The following LGR6 variants were observed in gnomAD, a reference collection of about 807,000 sequenced individuals.
LGR6 encodes the protein leucine-rich repeat-containing G protein-coupled receptor 6.
A neutral mutation model predicts 69.4 loss-of-function variants in LGR6; 45 were observed. That is an observed-to-expected ratio of 0.65 (90% CI 0.51 to 0.83). LGR6 has a LOEUF of 0.83. Ranked by LOEUF, LGR6 falls within the 40% of genes least tolerant of loss-of-function variation. LGR6 has a pLI of 0.00. For synonymous variants in LGR6, 538 were observed against 555.0 expected, an observed-to-expected ratio of 0.97 and a Z score of 0.43; for missense variants, 1,108 against 1,246.7, an observed-to-expected ratio of 0.89 and a Z score of 1.68.
Position 202,317,227 on chromosome 1 carries a change from A to C in LGR6, c.1649-725A>C, listed in dbSNP as rs1654211969. ...AGCTCCCAATTCTGATACCCTCTCC[A>C]CTCCTTGATGGCAGCCTGTCCTTCC... On this transcript the variant is annotated intron_variant, in intron 17 of 17. Transcript: ENST00000367278. Among the ~76,000 whole-genome samples, 3 of 150,604 alleles carry C rather than the reference A, an allele frequency of 2.0e-5. No homozygotes were observed. The South Asian group carries it at 6.3e-4, about 32-fold the overall frequency.
At chr1:202,219,223 C>T (rs1406040658) in intron 1 of LGR6, among the ~76,000 whole-genome samples, 1 of 152,220 alleles carries the variant, frequency 6.6e-6, no homozygotes. Context: ...AGAACCCCAC[C>T]TTTGGACTCT....
intron 6 of LGR6, among the ~76,000 whole-genome samples, chr1:202,282,231 T>TGTCA (rs1239608660): frequency 6.6e-6 from 1 of 152,182 alleles, no homozygotes; most frequent in African/African-American, 2.4e-5. Context: ...CCTCTCTAGC[T>TGTCA]GTCATAGACA....
Position 202,263,431 on chromosome 1 carries a change from A to C in LGR6, c.429-12875A>C, listed in dbSNP as rs920446658. Among the ~76,000 whole-genome samples the C allele has an allele frequency of 2.6e-5, 4 of 152,230 alleles. No individual in the cohort carries two copies. The East Asian group carries it at 7.7e-4, about 29-fold the overall frequency. On this transcript the variant is annotated intron_variant, in intron 4 of 17. Transcript: ENST00000367278. ...GAGCCACCGCGCCCGGCCAGCATACATCTTTTTGTTTGTTTGTTTTTTCTC... is the reference window on the plus strand; with the variant it reads ...GAGCCACCGCGCCCGGCCAGCATACCTCTTTTTGTTTGTTTGTTTTTTCTC...
intron 4 of LGR6, among the ~76,000 whole-genome samples, chr1:202,244,970 C>A (rs1662526079): frequency 6.6e-6 from 1 of 152,158 alleles, no homozygotes; most frequent in South Asian, 2.1e-4. Flanking sequence ...GGCAACAAGG[C>A]CAGAGGTCTG....
intron 7 of LGR6, among the ~76,000 whole-genome samples, chr1:202,299,695 G>A (rs1206777369): frequency 6.6e-6 from 1 of 152,170 alleles, no homozygotes; most frequent in African/African-American, 2.4e-5. Context: ...GGTGGCACTG[G>A]CTGGAGGTGT....
In LGR6 at chr1:202,317,964, C is replaced by T; in HGVS notation, c.1661C>T (p.Pro554Leu). The T allele has an allele frequency of 6.2e-7, 1 of 1,610,620 alleles. No homozygotes were observed. Among genetic ancestry groups the T allele is most frequent in the Admixed American group, 1.7e-5 (1 of 59,842 alleles). ...ATCTCTCCTACAGGCCCCTTCAAGCCCTGTGAGTACCTCTTTGAAAGCTGG... is the reference window on the plus strand; with the variant it reads ...ATCTCTCCTACAGGCCCCTTCAAGCTCTGTGAGTACCTCTTTGAAAGCTGG... Reference protein sequence around the residue: ...QCSPTPGPFKPCEYLFESWGI... With the variant: ...QCSPTPGPFKLCEYLFESWGI... The change falls in exon 18 of 18, where the codon CCC becomes CTC. Residue 554 changes from proline to leucine, a missense_variant. Transcript: ENST00000367278.
intron 4 of LGR6, among the ~76,000 whole-genome samples, chr1:202,256,985 G>A (rs922398227): frequency 1.3e-5 from 2 of 152,038 alleles, no homozygotes; most frequent in Non-Finnish European, 2.9e-5. Context: ...ATCTTTTTGT[G>A]TACTTATTGG....
Position 202,235,989 on chromosome 1 carries a change from T to G in LGR6, c.424T>G (p.Ser142Ala). 1 of 1,613,690 alleles carries G rather than the reference T, an allele frequency of 6.2e-7. No homozygotes were observed. Residue 142 changes from serine to alanine, a missense_variant, in exon 4 of 18, where the codon TCG (serine) becomes GCG (alanine). Ser to Ala is a moderately conservative substitution (Grantham distance 99, BLOSUM62 1). Transcript: ENST00000367278. ...GCTGTGGGAGCTGCCGAGCCTGCAG[T>G]CGCTGTGAGTCATTAGAGGGCTGGT... is the stretch of plus-strand genomic sequence containing the variant. ...EALWELPSLQ[S>A]LRLDANLISL...
chr1:202,212,875 CACAG>C (rs1659516553), intron 1 of LGR6, among the ~76,000 whole-genome samples: 1 of 152,168 alleles, frequency 6.6e-6, no homozygotes, highest in Admixed American at 6.5e-5. Context: ...CCCCCCTTTG[CACAG>C]CTCTGAGGCA....
chr1:202,235,700 C>G (rs1661484848), intron 3 of LGR6, among the ~76,000 whole-genome samples: 1 of 152,110 alleles, frequency 6.6e-6, no homozygotes, highest in Non-Finnish European at 1.5e-5. Flanking sequence ...TCCCTGAACA[C>G]TGGGCCTCCC....
chr1:202,225,526 G>T (rs1312865172), intron 2 of LGR6, 32 bp downstream of exon 2: 2 of 1,585,460 alleles, frequency 1.3e-6, no homozygotes, highest in African/African-American at 2.7e-5. Context: ...TGGGAGGCAA[G>T]CATGGGCTCT....
intron 4 of LGR6, 145 bp from the exon 5 acceptor site, chr1:202,276,161 T>TA: frequency 1.6e-6 from 1 of 637,884 alleles, no homozygotes. Flanking sequence ...AGAGGCGGGA[T>TA]ACAGGATACA....
intron 4 of LGR6, among the ~76,000 whole-genome samples, chr1:202,264,364 C>T (rs1380833827): frequency 6.6e-6 from 1 of 152,198 alleles, no homozygotes; most frequent in Admixed American, 6.5e-5. Context: ...TGGGATATCA[C>T]TTCTATTCCC....
chr1:202,200,842 G>T (rs899246184), intron 1 of LGR6, among the ~76,000 whole-genome samples: 4 of 152,148 alleles, frequency 2.6e-5, no homozygotes, highest in South Asian at 2.1e-4. Flanking sequence ...AGGACATGGT[G>T]GGGGGAGAGC....
chr1:202,285,269 G>A (rs770390820), intron 6 of LGR6, among the ~76,000 whole-genome samples: 1 of 152,218 alleles, frequency 6.6e-6, no homozygotes, highest in Admixed American at 6.5e-5. Context: ...ACTTGGTTCT[G>A]AGAGTATCTG....
At chr1:202,196,921 G>A (rs1658660903) in intron 1 of LGR6, 1 of 444,718 alleles carries the variant, frequency 2.2e-6, no homozygotes, top group Admixed American at 2.7e-5. Context: ...AGCCCAACCA[G>A]TTGGTGAAAA....
chr1:202,278,026 G>C (rs1250716116), intron 5 of LGR6, among the ~76,000 whole-genome samples: 3 of 152,140 alleles, frequency 2.0e-5, no homozygotes, highest in African/African-American at 7.2e-5. Flanking sequence ...GAAGAAGCTG[G>C]AAAGGTGCAT....
At chr1:202,255,457 T>C (rs771800468) in intron 4 of LGR6, among the ~76,000 whole-genome samples, 4 of 152,072 alleles carry the variant, frequency 2.6e-5, no homozygotes, top group Non-Finnish European at 5.9e-5. Context: ...TAAATCCCTT[T>C]CCACTGCCTG....
At chr1:202,197,385 C>T in intron 1 of LGR6, 1 of 532,900 alleles carries the variant, frequency 1.9e-6, no homozygotes, top group South Asian at 1.4e-5. Context: ...GGAAGACGGA[C>T]TTCAGATACT....
Sources: gnomAD v4.1 joint callset for allele counts (sites outside exome capture counted in the v4.1 genomes callset) on GRCh38, gnomAD v4.1.1 for gene constraint, MANE v1.5 for transcripts, NCBI Gene and HGNC (gene_info 2026-07-23, HGNC 2026-07-21) for gene names.